The following MAGI2 variants were observed in gnomAD, a reference collection of about 807,000 sequenced individuals.
The protein encoded by MAGI2 is membrane associated guanylate kinase, WW and PDZ domain containing 2.
MAGI2 carries 35 observed loss-of-function variants against 133.3 expected under a neutral mutation model. That is an observed-to-expected ratio of 0.26 (90% CI 0.20 to 0.35). MAGI2 has a LOEUF of 0.35. MAGI2 is among the 10% of genes least tolerant of loss of function. The pLI is 1.00. For synonymous variants in MAGI2, 729 were observed against 710.6 expected, an observed-to-expected ratio of 1.03 and a Z score of -0.41; for missense variants, 1,636 against 1,863.4, an observed-to-expected ratio of 0.88 and a Z score of 2.25.
rs573059758 is a variant in MAGI2, at chr7:78,989,865, C to T, written c.418+17225G>A. Among the ~76,000 whole-genome samples the T allele has an allele frequency of 2.6e-5, 4 of 152,094 alleles. No homozygotes were observed. In the South Asian group the frequency reaches 8.3e-4, roughly 32 times the overall value. Reference sequence around the variant, plus strand: ...AACTCAGCTGCTGTTGCCTTTCTTGCTCTACTTTGCACTCTATTATCTATT... The same window carrying T: ...AACTCAGCTGCTGTTGCCTTTCTTGTTCTACTTTGCACTCTATTATCTATT... On this transcript the variant is annotated intron_variant, in intron 2 of 21. Coordinates refer to ENST00000354212, the MANE Select transcript of MAGI2 (RefSeq NM_012301.4).
chr7:78,026,941 G>A (rs181808401), intron 21 of MAGI2, among the ~76,000 whole-genome samples: 1 of 152,248 alleles, frequency 6.6e-6, no homozygotes, highest in Admixed American at 6.5e-5. Flanking sequence ...TAGATGCCAG[G>A]CACTCTTTGA....
chr7:78,184,578 C>T (rs1827502868), intron 13 of MAGI2: 1 of 152,076 alleles, frequency 6.6e-6, no homozygotes, highest in African/African-American at 2.4e-5. Context: ...ACACTATTTT[C>T]CGCAATTGTT....
intron 2 of MAGI2, among the ~76,000 whole-genome samples, chr7:78,925,594 G>T (rs1406333636): frequency 6.6e-6 from 1 of 151,948 alleles, no homozygotes; most frequent in Non-Finnish European, 1.5e-5. Context: ...TATAAAAATG[G>T]AATTTTCCAG....
At chr7:78,529,972 C>A (rs922975002) in intron 3 of MAGI2, among the ~76,000 whole-genome samples, 2 of 151,562 alleles carry the variant, frequency 1.3e-5, no homozygotes, top group Non-Finnish European at 2.9e-5. Flanking sequence ...CTTCAAAATC[C>A]AGTGTATAGT....
intron 9 of MAGI2, among the ~76,000 whole-genome samples, chr7:78,303,953 C>G (rs903352086): frequency 2.0e-5 from 3 of 152,132 alleles, no homozygotes; most frequent in Non-Finnish European, 4.4e-5. Context: ...AATTCCTACT[C>G]CCCCACTCCC....
chr7:79,297,104 A>G (rs765832927), intron 1 of MAGI2, among the ~76,000 whole-genome samples: 19 of 152,224 alleles, frequency 1.2e-4, no homozygotes, highest in Non-Finnish European at 2.8e-4. Flanking sequence ...CAGTCATGCC[A>G]GCAGGAAGAG....
intron 1 of MAGI2, among the ~76,000 whole-genome samples, chr7:79,074,925 G>T (rs544094760): frequency 3.3e-5 from 5 of 152,308 alleles, no homozygotes; most frequent in African/African-American, 1.2e-4. Context: ...AACTCTGAAG[G>T]TTGGTACTTC....
chr7:78,529,514 T>TTAAATTCA (rs1160426782), intron 3 of MAGI2, among the ~76,000 whole-genome samples: 1 of 152,100 alleles, frequency 6.6e-6, no homozygotes, highest in Admixed American at 6.5e-5. Context: ...AACATAAACT[T>TTAAATTCA]TAAATTCATG....
intron 1 of MAGI2, among the ~76,000 whole-genome samples, chr7:79,391,224 C>CT (rs1237073012): frequency 3.3e-5 from 5 of 151,822 alleles, no homozygotes; most frequent in African/African-American, 4.8e-5. Flanking sequence ...GAAACAAGCT[C>CT]TTTTTTGTAC....
chr7:78,667,243 C>T (rs1415204693), intron 2 of MAGI2, among the ~76,000 whole-genome samples: 2 of 151,980 alleles, frequency 1.3e-5, no homozygotes, highest in Non-Finnish European at 2.9e-5. Flanking sequence ...ACACCCCTGC[C>T]CAATCCCCTC....
intron 2 of MAGI2, among the ~76,000 whole-genome samples, chr7:78,807,713 T>C (rs1788704510): frequency 6.6e-6 from 1 of 152,198 alleles, no homozygotes; most frequent in African/African-American, 2.4e-5. Context: ...GAGTATTGCA[T>C]ATGCTTCTAT....
At chr7:78,077,482 G>A (rs1312006432) in intron 21 of MAGI2, among the ~76,000 whole-genome samples, 1 of 151,340 alleles carries the variant, frequency 6.6e-6, no homozygotes, top group African/African-American at 2.4e-5. Flanking sequence ...TGTTTCCTTG[G>A]GCCTAGAGCC....
At chr7:78,282,531 T>TATCTATCC (rs1795721068) in intron 9 of MAGI2, among the ~76,000 whole-genome samples, 1 of 152,012 alleles carries the variant, frequency 6.6e-6, no homozygotes, top group Non-Finnish European at 1.5e-5. Flanking sequence ...ATTTACTATC[T>TATCTATCC]ATCTATCTAT....
chr7:79,077,585 AAAAAAAAAAATAAATAAAT>A lies in MAGI2; in HGVS notation c.302-70398_302-70380del, dbSNP rs1252968593. The stretch of plus-strand genomic sequence containing the variant: ...GCGAGACTGCCTCTCAAAAAAAAAA[AAAAAAAAAAATAAATAAAT>A]AAATAAATTCCCTTTTGCTTAACTA... On this transcript the variant is annotated intron_variant, in intron 1 of 21. Coordinates refer to ENST00000354212, the MANE Select transcript of MAGI2 (RefSeq NM_012301.4). 3.4e-4 allele frequency among the ~76,000 whole-genome samples: 46 copies of A among 135,276 alleles called. 4 individuals are homozygous for A. Among genetic ancestry groups the A allele is most frequent in the Admixed American group, 3.0e-3 (39 of 12,876 alleles). 88.7% of individuals were successfully genotyped at this position (135,276 alleles called of 152,430 possible). A position where few individuals can be genotyped will look rare whatever the true frequency, so the allele number is the denominator to read the frequency against.
intron 10 of MAGI2, among the ~76,000 whole-genome samples, chr7:78,234,572 TATTC>T (rs1287236948): frequency 2.0e-4 from 2 of 10,068 alleles, no homozygotes; most frequent in Non-Finnish European, 9.3e-4. Flanking sequence ...ATATTTTTCA[TATTC>T]ATTATATTTC....
Position 79,171,770 on chromosome 7 carries a change from A to ATATTTTTTT in MAGI2, c.302-164565_302-164564insAAAAAAATA. 3.6e-3 allele frequency among the ~76,000 whole-genome samples: 112 copies of ATATTTTTTT among 31,216 alleles called. 5 individuals are homozygous for ATATTTTTTT. Among genetic ancestry groups the ATATTTTTTT allele is most frequent in the Non-Finnish European group, 7.9e-3 (71 of 9,006 alleles). The allele number at this position is 31,216 out of a possible 152,430, so 20.5% of individuals were successfully genotyped here. On this transcript the variant is annotated intron_variant, in intron 1 of 21. Coordinates refer to ENST00000354212, the MANE Select transcript of MAGI2 (RefSeq NM_012301.4). The stretch of plus-strand genomic sequence containing the variant: ...TATATATATATATATATATATATAT[A>ATATTTTTTT]TTTTTTTTTTTTTTTTCTTTTAAAG...
At chr7:78,602,704 G>T (rs928879895) in intron 3 of MAGI2, among the ~76,000 whole-genome samples, 2 of 152,122 alleles carry the variant, frequency 1.3e-5, no homozygotes, top group African/African-American at 4.8e-5. Context: ...AGCCATGTAT[G>T]TGATTATGTG....
At chr7:79,325,210 T>C (rs963782978) in intron 1 of MAGI2, among the ~76,000 whole-genome samples, 10 of 152,098 alleles carry the variant, frequency 6.6e-5, no homozygotes, top group Non-Finnish European at 1.5e-4. Context: ...ACATAGACTT[T>C]AGCATGCCAC....
At chr7:78,484,056 C>T (rs940531890) in intron 6 of MAGI2, 1 of 151,770 alleles carries the variant, frequency 6.6e-6, no homozygotes, top group Non-Finnish European at 1.5e-5. Context: ...ATTATCAAAA[C>T]AAATTTAATG....
Sources: allele counts gnomAD v4.1 joint callset (sites outside exome capture counted in the v4.1 genomes callset), GRCh38; gene constraint gnomAD v4.1.1; transcripts MANE v1.5; gene names NCBI Gene and HGNC (gene_info 2026-07-23, HGNC 2026-07-21).